The following ANKRD17 variants were observed in gnomAD, a reference collection of about 807,000 sequenced individuals.
ANKRD17 encodes the protein ankyrin repeat domain 17, also known as ankyrin repeat domain-containing protein 17.
A neutral mutation model predicts 229.7 loss-of-function variants in ANKRD17; 19 were observed. The observed-to-expected ratio is 0.08, with a 90% CI of 0.06 to 0.12. The LOEUF (loss-of-function observed/expected upper bound fraction) is 0.12. ANKRD17 is among the 10% of genes least tolerant of loss of function. The pLI is 1.00. For synonymous variants in ANKRD17, 1,112 were observed against 1,146.1 expected (o/e 0.97, Z 0.60); for missense variants, 2,176 against 3,176.8 (o/e 0.68, Z 7.57).
chr4:73,157,143 T>C (rs1472843802), intron 3 of ANKRD17, among the ~76,000 whole-genome samples: 1 of 152,194 alleles, frequency 6.6e-6, no homozygotes, highest in Non-Finnish European at 1.5e-5. Flanking sequence ...GTTCGGTCAG[T>C]AGAAAATTTT....
intron 1 of ANKRD17, among the ~76,000 whole-genome samples, chr4:73,186,161 T>TA (rs1478082859): frequency 1.3e-5 from 2 of 152,072 alleles, no homozygotes; most frequent in East Asian, 3.8e-4. Context: ...CTGTATTTTT[T>TA]ATAGTCTTAA....
chr4:73,160,851 C>T (rs1358638254), intron 3 of ANKRD17, among the ~76,000 whole-genome samples: 1 of 152,106 alleles, frequency 6.6e-6, no homozygotes, highest in Non-Finnish European at 1.5e-5. Context: ...TTCTTTGTCA[C>T]CAATACATTT....
intron 24 of ANKRD17, among the ~76,000 whole-genome samples, chr4:73,107,026 T>C (rs1724729205): frequency 6.6e-6 from 1 of 151,424 alleles, no homozygotes; most frequent in Admixed American, 6.6e-5. Context: ...GGGTGAGAAG[T>C]GATCACTCAG....
At chr4:73,248,724 T>C (rs1057116010) in intron 1 of ANKRD17, among the ~76,000 whole-genome samples, 4 of 152,018 alleles carry the variant, frequency 2.6e-5, no homozygotes, top group Non-Finnish European at 5.9e-5. Context: ...AATTAACTTA[T>C]TCATATTTAA....
chr4:73,156,551 T>C (rs1176813702), intron 3 of ANKRD17, among the ~76,000 whole-genome samples: 2 of 152,160 alleles, frequency 1.3e-5, no homozygotes, highest in Admixed American at 6.5e-5. Flanking sequence ...GGTGGATTTC[T>C]CCCTTGCTGT....
chr4:73,087,480 C>A (rs181642181), intron 29 of ANKRD17, among the ~76,000 whole-genome samples: 1 of 152,258 alleles, frequency 6.6e-6, no homozygotes, highest in African/African-American at 2.4e-5. Flanking sequence ...CATGGATTGA[C>A]ATAATCACTG....
intron 3 of ANKRD17, among the ~76,000 whole-genome samples, chr4:73,159,954 C>A (rs1251674936): frequency 6.6e-6 from 1 of 152,156 alleles, no homozygotes; most frequent in Non-Finnish European, 1.5e-5. Context: ...TCTAACCTCT[C>A]TTTTATGCTC....
Position 73,091,103 on chromosome 4 carries a change from G to A in ANKRD17, c.6525C>T (p.Thr2175=). 6.2e-7 allele frequency: 1 copy of A among 1,614,160 alleles called. No homozygotes were observed. The highest frequency in any genetic ancestry group is 8.5e-7 in the Non-Finnish European group (1 of 1,180,036). Residue 2175 remains threonine (T), a synonymous_variant, in exon 29 of 34, where the codon ACC becomes ACT. Coordinates refer to ENST00000358602, the MANE Select transcript of ANKRD17 (RefSeq NM_032217.5). ...GCPQPTPKME[T]PAIRPPPHGT... The stretch of plus-strand genomic sequence containing the variant: ...CATGAGGGGGTGGTCTAATAGCAGG[G>A]GTTTCCATTTTAGGAGTAGGCTGGG...
At chr4:73,107,616 GAAGTT>G (rs1702188946) in intron 24 of ANKRD17, among the ~76,000 whole-genome samples, 1 of 152,182 alleles carries the variant, frequency 6.6e-6, no homozygotes, top group African/African-American at 2.4e-5. Context: ...CTCATGAGAT[GAAGTT>G]AAGTGAACAC....
At chr4:73,244,272 TG>T (rs1197484913) in intron 1 of ANKRD17, among the ~76,000 whole-genome samples, 1 of 152,116 alleles carries the variant, frequency 6.6e-6, no homozygotes, top group Non-Finnish European at 1.5e-5. Flanking sequence ...ATATTAATGT[TG>T]GGGACACACA....
intron 1 of ANKRD17, among the ~76,000 whole-genome samples, chr4:73,178,597 G>A (rs1301764230): frequency 6.6e-6 from 1 of 151,748 alleles, no homozygotes; most frequent in African/African-American, 2.4e-5. Context: ...CACCATCATC[G>A]TAAATGTCAA....
chr4:73,214,064 T>A (rs1220750949), intron 1 of ANKRD17, among the ~76,000 whole-genome samples: 1 of 152,214 alleles, frequency 6.6e-6, no homozygotes, highest in Non-Finnish European at 1.5e-5. Context: ...CACTACTTCC[T>A]TCAGGAATCC....
chr4:73,231,487 G>A (rs1743039293), intron 1 of ANKRD17, among the ~76,000 whole-genome samples: 1 of 152,110 alleles, frequency 6.6e-6, no homozygotes, highest in Non-Finnish European at 1.5e-5. Flanking sequence ...AACAAACCTT[G>A]AATGGTTTGC....
At chr4:73,204,068 A>G (rs1019350262) in intron 1 of ANKRD17, among the ~76,000 whole-genome samples, 2 of 152,052 alleles carry the variant, frequency 1.3e-5, no homozygotes, top group African/African-American at 4.8e-5. Context: ...GCTAAAAGAT[A>G]AACAATCTTG....
At chr4:73,223,089 T>A in intron 1 of ANKRD17, 2 of 1,510,114 alleles carry the variant, frequency 1.3e-6, no homozygotes, top group Non-Finnish European at 1.8e-6. Flanking sequence ...GCAGGAACAC[T>A]CCTCTGTGTC....
At chr4:73,219,856 T>C (rs1458161927) in intron 1 of ANKRD17, among the ~76,000 whole-genome samples, 1 of 152,142 alleles carries the variant, frequency 6.6e-6, no homozygotes, top group Non-Finnish European at 1.5e-5. Flanking sequence ...ATATATCAAA[T>C]ACTATACCCA....
At chr4:73,076,807 G>T (rs1320218421) in intron 33 of ANKRD17, 133 bp downstream of exon 33, 1 of 1,097,142 alleles carries the variant, frequency 9.1e-7, no homozygotes, top group Non-Finnish European at 1.3e-6. Context: ...CTGCTATATT[G>T]CAGCTATATT....
chr4:73,113,309 T>A (rs1462878376), intron 24 of ANKRD17: 2 of 1,289,222 alleles, frequency 1.6e-6, no homozygotes, highest in Non-Finnish European at 2.0e-6. Context: ...TGTTGTAGTC[T>A]GCCTGAAAGA....
rs138135634 is a variant in ANKRD17 at position 73,100,758 on chromosome 4, T to G, written c.4573+1618A>C. On this transcript the variant is annotated intron_variant, in intron 25 of 33. Transcript: ENST00000358602. ...AGGTGACATAGAGGTATTTACCATATTAATCCTTAAAATTTTCTGTAGTTT... is the reference window on the plus strand; with the variant it reads ...AGGTGACATAGAGGTATTTACCATAGTAATCCTTAAAATTTTCTGTAGTTT... 420 of 806,044 alleles carry G rather than the reference T, an allele frequency of 5.2e-4. 2 individuals carry two copies. In the African/African-American group the frequency reaches 7.3e-3, roughly 14 times the overall value. The allele number at this position is 806,044 out of a possible 1,614,324, so 49.9% of individuals were successfully genotyped here.
Sources: allele counts gnomAD v4.1 joint callset (sites outside exome capture counted in the v4.1 genomes callset), GRCh38; gene constraint gnomAD v4.1.1; transcripts MANE v1.5; gene names NCBI Gene and HGNC (gene_info 2026-07-23, HGNC 2026-07-21).